Variants in TNN observed in about 807,000 individuals in gnomAD.
TNN encodes tenascin N.
In TNN, 122 loss-of-function variants were observed where a neutral mutation model predicts 134.4. That is an observed-to-expected ratio of 0.91 (90% CI 0.78 to 1.06). The LOEUF (loss-of-function observed/expected upper bound fraction) is 1.06. TNN is among the 50% of genes least tolerant of loss of function. The pLI is 0.00. For missense variants in TNN, 1,739 were observed against 1,699.4 expected (o/e 1.02, Z -0.41); for synonymous variants, 710 against 670.3 (o/e 1.06, Z -0.91).
chr1:175,085,569 C>G, intron 6 of TNN, 75 bp downstream of exon 6: 1 of 1,037,792 alleles, frequency 9.6e-7, no homozygotes, highest in Middle Eastern at 2.0e-4. Context: ...TGACTCCTCT[C>G]TGGATAAGAA....
At chr1:175,099,855 G>A (rs541194474) in intron 9 of TNN, among the ~76,000 whole-genome samples, 1 of 152,132 alleles carries the variant, frequency 6.6e-6, no homozygotes, top group East Asian at 1.9e-4. Context: ...GTAGGCAAAT[G>A]CCTGTCTTCC....
At chr1:175,142,367 C>CG (rs1675960954) in intron 17 of TNN, among the ~76,000 whole-genome samples, 1 of 152,230 alleles carries the variant, frequency 6.6e-6, no homozygotes, top group Admixed American at 6.5e-5. Context: ...ACCCCACCCA[C>CG]TCCAAAAACG....
At chr1:175,076,083 T>C (rs1362373058) in intron 1 of TNN, among the ~76,000 whole-genome samples, 2 of 152,082 alleles carry the variant, frequency 1.3e-5, no homozygotes, top group East Asian at 1.9e-4. Context: ...GTGAGCAAAA[T>C]GTGAGGTGAA....
intron 9 of TNN, among the ~76,000 whole-genome samples, chr1:175,114,403 G>A (rs1349567831): frequency 1.3e-5 from 2 of 152,202 alleles, no homozygotes. Flanking sequence ...AATGTCCTTG[G>A]TAGCAAGGGC....
chr1:175,112,316 T>A (rs1675047876), intron 9 of TNN, among the ~76,000 whole-genome samples: 1 of 152,200 alleles, frequency 6.6e-6, no homozygotes, highest in South Asian at 2.1e-4. Context: ...TTAACTATTC[T>A]TGCATCCCTG....
At chr1:175,128,843 T>C in intron 15 of TNN, 97 bp downstream of exon 15, 1 of 1,319,694 alleles carries the variant, frequency 7.6e-7, no homozygotes, top group Non-Finnish European at 1.0e-6. Flanking sequence ...TGGAGCCCTA[T>C]TTCTTCTCCA....
chr1:175,082,581 G>A (rs1168070969), intron 4 of TNN, among the ~76,000 whole-genome samples: 1 of 152,196 alleles, frequency 6.6e-6, no homozygotes, highest in Non-Finnish European at 1.5e-5. Context: ...GCCAGTGGGT[G>A]AGAGGAAAAG....
At chr1:175,111,137 G>A (rs1025510808) in intron 9 of TNN, among the ~76,000 whole-genome samples, 1 of 152,166 alleles carries the variant, frequency 6.6e-6, no homozygotes, top group African/African-American at 2.4e-5. Context: ...GGCCAACACG[G>A]TGAAACTCCG....
intron 15 of TNN, among the ~76,000 whole-genome samples, chr1:175,129,447 G>A (rs987198421): frequency 6.6e-6 from 1 of 151,620 alleles, no homozygotes; most frequent in African/African-American, 2.4e-5. Flanking sequence ...TCAACTGTAA[G>A]GATAGAGCCT....
Position 175,079,236 on chromosome 1 carries a change from C to A in TNN, c.410-97C>A, listed in dbSNP as rs1480840227. The A allele has an allele frequency of 3.0e-6, 4 of 1,353,100 alleles. No individual in the cohort carries two copies. In the East Asian group the frequency reaches 8.3e-5, roughly 28 times the overall value. The allele number at this position is 1,353,100 out of a possible 1,614,324, so 83.8% of individuals were successfully genotyped here. ...AATCACCAGACCCTTAAGAGTGGGG[C>A]TAATGATTTCTGGGTCTTGCATGGC... On this transcript the variant is annotated intron_variant, in intron 2 of 18. Transcript: ENST00000239462.
rs767336622 is a variant in TNN at position 175,094,094 on chromosome 1, T to C, written c.1429T>C (p.Tyr477His). The C allele has an allele frequency of 6.2e-7, 1 of 1,614,092 alleles. No individual in the cohort carries two copies. The highest frequency in any genetic ancestry group is 2.2e-5 in the East Asian group (1 of 44,900). ...QAVIDKYVVR[Y>H]TSADGDTKEM... Reference sequence around the variant, plus strand: ...TGTCATAGACAAGTATGTAGTGCGCTACACTTCTGCTGATGGGGACACCAA... The same window carrying C: ...TGTCATAGACAAGTATGTAGTGCGCCACACTTCTGCTGATGGGGACACCAA... The change falls in exon 7 of 19, where the codon TAC becomes CAC. Residue 477 changes from tyrosine to histidine, a missense_variant. Tyr to His is a moderately conservative substitution (Grantham distance 83). Transcript: ENST00000239462.
rs1476785078 is a variant in TNN, at chr1:175,077,460, G to C, written c.42G>C (p.Leu14=). The part of the protein sequence containing the change: ...QEMFRFPMGL[L]LGSVLLVASA... ...TGTTCCGCTTCCCTATGGGGCTCCT[G>C]CTTGGCTCTGTGCTCCTGGTGGCTT... is the stretch of plus-strand genomic sequence containing the variant. The change falls in exon 2 of 19, where the codon CTG becomes CTC. Residue 14 remains leucine, a synonymous_variant. Coordinates refer to ENST00000239462, the MANE Select transcript of TNN (RefSeq NM_022093.2). 6.2e-7 allele frequency: 1 copy of C among 1,613,900 alleles called. No homozygotes were observed. Among genetic ancestry groups the C allele is most frequent in the South Asian group, 1.1e-5 (1 of 91,086 alleles).
chr1:175,143,162 T>C (rs1320750924), intron 17 of TNN, among the ~76,000 whole-genome samples: 1 of 152,226 alleles, frequency 6.6e-6, no homozygotes, highest in Non-Finnish European at 1.5e-5. Context: ...GAGTCTAACC[T>C]TTTTGAATTT....
chr1:175,094,179 A>G lies in TNN; in HGVS notation c.1514A>G (p.Glu505Gly). The change falls in exon 7 of 19, where the codon GAG becomes GGG. Residue 505 changes from glutamate (E) to glycine (G), a missense_variant. Coordinates refer to ENST00000239462, the MANE Select transcript of TNN (RefSeq NM_022093.2). ...STVLTGLKPGEAYKVYVWAER... is the reference protein window; with the variant it reads ...STVLTGLKPGGAYKVYVWAER... ...GTCCTGACGGGCCTGAAGCCAGGAGAGGCATACAAGGTCTACGTGTGGGCT... is the reference window on the plus strand; with the variant it reads ...GTCCTGACGGGCCTGAAGCCAGGAGGGGCATACAAGGTCTACGTGTGGGCT... 1 of 1,614,144 alleles carries G rather than the reference A, an allele frequency of 6.2e-7. No individual in the cohort carries two copies. The highest frequency in any genetic ancestry group is 8.5e-7 in the Non-Finnish European group (1 of 1,179,980).
chr1:175,098,382 G>A lies in TNN; in HGVS notation c.1906G>A (p.Ala636Thr). 3 of 1,614,150 alleles carry A rather than the reference G, an allele frequency of 1.9e-6. No homozygotes were observed. The highest frequency in any genetic ancestry group is 2.5e-6 in the Non-Finnish European group (3 of 1,180,028). Residue 636 changes from alanine (A) to threonine (T), a missense_variant, in exon 9 of 19, where the codon GCC (alanine) becomes ACC (threonine). Ala to Thr is a moderately conservative substitution (Grantham distance 58). Coordinates refer to ENST00000239462, the MANE Select transcript of TNN (RefSeq NM_022093.2). ...GACTGACCGGGTGACAGAGAATATGGCCACGGTCTCCTGGGACCCGGTGCA... is the reference window on the plus strand; with the variant it reads ...GACTGACCGGGTGACAGAGAATATGACCACGGTCTCCTGGGACCCGGTGCA... ...LVTDRVTENMATVSWDPVQAA... is the reference protein window; with the variant it reads ...LVTDRVTENMTTVSWDPVQAA...
At chr1:175,087,365 CA>C (rs1674342198) in intron 6 of TNN, among the ~76,000 whole-genome samples, 2 of 152,206 alleles carry the variant, frequency 1.3e-5, no homozygotes, top group Admixed American at 1.3e-4. Flanking sequence ...GCACTTTTCT[CA>C]GGATAAGGTG....
intron 17 of TNN, 52 bp downstream of exon 17, chr1:175,137,040 A>G: frequency 6.3e-7 from 1 of 1,591,958 alleles, no homozygotes; most frequent in Non-Finnish European, 8.6e-7. Flanking sequence ...CTGTTGTGTA[A>G]GGATTGGTTT....
intron 18 of TNN, among the ~76,000 whole-genome samples, chr1:175,145,676 G>A (rs1191009636): frequency 6.6e-6 from 1 of 150,954 alleles, no homozygotes. Flanking sequence ...AGAACATTGA[G>A]CTAGACCAGT....
intron 1 of TNN, among the ~76,000 whole-genome samples, chr1:175,072,728 C>T (rs1314320247): frequency 6.6e-6 from 1 of 152,018 alleles, no homozygotes; most frequent in Non-Finnish European, 1.5e-5. Flanking sequence ...TCAACCTACC[C>T]AGGAAAATCT....
Sources: allele counts gnomAD v4.1 joint callset (sites outside exome capture counted in the v4.1 genomes callset), GRCh38; gene constraint gnomAD v4.1.1; transcripts MANE v1.5; gene names NCBI Gene and HGNC (gene_info 2026-07-23, HGNC 2026-07-21).